Variants in PRKG1 observed in about 807,000 individuals in gnomAD.
PRKG1 encodes cGMP-dependent protein kinase 1.
Under a neutral mutation model 88.1 loss-of-function variants are expected in PRKG1, and 35 were observed. The observed-to-expected ratio is 0.40, with a 90% confidence interval of 0.30 to 0.53. The LOEUF (loss-of-function observed/expected upper bound fraction) is 0.53. Ranked by LOEUF, PRKG1 falls within the 20% of genes least tolerant of loss-of-function variation. PRKG1 has a pLI of 0.59. For synonymous variants in PRKG1, 303 were observed against 292.5 expected (o/e 1.04, Z -0.37); for missense variants, 540 against 839.8 (o/e 0.64, Z 4.41).
At chr10:51,098,337 A>G (rs1024543488) in intron 1 of PRKG1, among the ~76,000 whole-genome samples, 9 of 152,326 alleles carry the variant, frequency 5.9e-5, no homozygotes, top group Admixed American at 2.0e-4. Context: ...ATTGGGAACT[A>G]TATGAGAGTC....
intron 5 of PRKG1, among the ~76,000 whole-genome samples, chr10:51,932,980 C>G (rs1678119034): frequency 6.6e-6 from 1 of 152,164 alleles, no homozygotes; most frequent in Non-Finnish European, 1.5e-5. Flanking sequence ...GTCTTGGCTA[C>G]ATGACTATAC....
intron 4 of PRKG1, among the ~76,000 whole-genome samples, chr10:51,873,439 T>A (rs1841209094): frequency 6.6e-6 from 1 of 152,136 alleles, no homozygotes. Flanking sequence ...TAATTGAAGT[T>A]AATTTTTTAT....
At chr10:51,379,529 T>C (rs1842879084) in intron 2 of PRKG1, among the ~76,000 whole-genome samples, 1 of 152,242 alleles carries the variant, frequency 6.6e-6, no homozygotes, top group Non-Finnish European at 1.5e-5. Context: ...TGGTTTTAAA[T>C]TCCCTTCCCT....
intron 4 of PRKG1, among the ~76,000 whole-genome samples, chr10:51,848,633 CTGTG>C (rs35222566): frequency 0.12 from 17,192 of 145,058 alleles, 969 homozygotes; most frequent in Middle Eastern, 0.15. Flanking sequence ...GTGTCTGTAT[CTGTG>C]TGTGTGTGTG....
At chr10:51,369,865 T>A (rs1842665342) in intron 2 of PRKG1, among the ~76,000 whole-genome samples, 1 of 152,160 alleles carries the variant, frequency 6.6e-6, no homozygotes, top group Admixed American at 6.6e-5. Flanking sequence ...AATATCCATC[T>A]ACACTAAAGA....
chr10:51,362,100 T>C (rs1373801920), intron 2 of PRKG1, among the ~76,000 whole-genome samples: 2 of 151,894 alleles, frequency 1.3e-5, no homozygotes, highest in Non-Finnish European at 2.9e-5. Context: ...TAGTCCTTAA[T>C]TGGCATGCAA....
At chr10:51,391,668 C>A (rs1213096743) in intron 2 of PRKG1, among the ~76,000 whole-genome samples, 1 of 152,196 alleles carries the variant, frequency 6.6e-6, no homozygotes, top group Non-Finnish European at 1.5e-5. Flanking sequence ...ATAGGGCCAA[C>A]TTTGTTCCGT....
Position 51,467,714 on chromosome 10 carries a change from C to T in PRKG1, c.479-9C>T, listed in dbSNP as rs45615337. 0.043 allele frequency: 69,046 copies of T among 1,596,146 alleles called. 2,563 individuals carry two copies. Among genetic ancestry groups the T allele is most frequent in the African/African-American group, 0.2 (14,888 of 74,504 alleles). On this transcript the variant is annotated splice_polypyrimidine_tract_variant and intron_variant, in intron 2 of 17. Transcript: ENST00000373980. Reference sequence around the variant, plus strand: ...TTTATATAACATGTTTTTCCCTCCTCCTTTTTAGATGGTAAGGTTGAAGTT... The same window carrying T: ...TTTATATAACATGTTTTTCCCTCCTTCTTTTTAGATGGTAAGGTTGAAGTT...
intron 2 of PRKG1, among the ~76,000 whole-genome samples, chr10:51,367,691 A>C (rs899762492): frequency 2.0e-5 from 3 of 151,982 alleles, no homozygotes; most frequent in Non-Finnish European, 4.4e-5. Flanking sequence ...GGAGTAGAAG[A>C]ACTTCAAAGT....
chr10:51,210,435 AG>A (rs1446258144), intron 2 of PRKG1, among the ~76,000 whole-genome samples: 1 of 152,206 alleles, frequency 6.6e-6, no homozygotes. Context: ...CACATTCAAA[AG>A]CTAGCAGAAG....
intron 2 of PRKG1, among the ~76,000 whole-genome samples, chr10:51,460,604 A>C (rs559172351): frequency 6.6e-6 from 1 of 152,178 alleles, no homozygotes; most frequent in African/African-American, 2.4e-5. Context: ...ATCAGTCCAC[A>C]AACACTTATC....
intron 2 of PRKG1, among the ~76,000 whole-genome samples, chr10:51,384,676 A>C (rs1449223770): frequency 6.6e-6 from 1 of 151,304 alleles, no homozygotes. Flanking sequence ...CTATTATTAG[A>C]CTCTTCCTGA....
chr10:51,760,703 C>T (rs1241098862), intron 3 of PRKG1, among the ~76,000 whole-genome samples: 1 of 151,974 alleles, frequency 6.6e-6, no homozygotes, highest in African/African-American at 2.4e-5. Flanking sequence ...AACTCTTGAC[C>T]TCAGGTGATC....
At chr10:51,513,260 T>C (rs2132064114) in intron 3 of PRKG1, among the ~76,000 whole-genome samples, 1 of 145,150 alleles carries the variant, frequency 6.9e-6, no homozygotes, top group East Asian at 2.1e-4. Context: ...GGCCATTACA[T>C]AATGGTAAAG....
At chr10:51,901,222 T>G (rs930930891) in intron 4 of PRKG1, among the ~76,000 whole-genome samples, 5 of 152,232 alleles carry the variant, frequency 3.3e-5, no homozygotes, top group African/African-American at 1.2e-4. Flanking sequence ...ATAGCACAGT[T>G]ACCACTTGTG....
At chr10:51,242,971 G>T (rs1472868503) in intron 2 of PRKG1, among the ~76,000 whole-genome samples, 1 of 152,054 alleles carries the variant, frequency 6.6e-6, no homozygotes, top group Non-Finnish European at 1.5e-5. Flanking sequence ...CTGGAGACCC[G>T]GTGTAGACAT....
At chr10:51,239,809 T>TGA (rs2132122798) in intron 2 of PRKG1, among the ~76,000 whole-genome samples, 1 of 152,296 alleles carries the variant, frequency 6.6e-6, no homozygotes, top group South Asian at 2.1e-4. Context: ...TGGTATAACC[T>TGA]CAGGCAGGTT....
chr10:51,171,103 A>G (rs1846692521), intron 2 of PRKG1, among the ~76,000 whole-genome samples: 1 of 152,138 alleles, frequency 6.6e-6, no homozygotes, highest in East Asian at 1.9e-4. Flanking sequence ...AAGCTCAGCC[A>G]ATAGTATTTG....
At chr10:51,020,360 T>G (rs1206371073) in intron 1 of PRKG1, among the ~76,000 whole-genome samples, 2 of 152,092 alleles carry the variant, frequency 1.3e-5, no homozygotes, top group Non-Finnish European at 1.5e-5. Flanking sequence ...ACAGAGTCTC[T>G]AAGAGACGTG....
Sources: allele counts gnomAD v4.1 joint callset (sites outside exome capture counted in the v4.1 genomes callset), GRCh38; gene constraint gnomAD v4.1.1; transcripts MANE v1.5; gene names NCBI Gene and HGNC (gene_info 2026-07-23, HGNC 2026-07-21).